The following NELL2 variants were observed in gnomAD, a reference collection of about 807,000 sequenced individuals.
The protein encoded by NELL2 is neural EGFL like 2.
A neutral mutation model predicts 109.6 loss-of-function variants in NELL2; 41 were observed. The observed-to-expected ratio is 0.37, with a 90% CI of 0.29 to 0.49. The LOEUF is 0.49. NELL2 is among the 20% of genes least tolerant of loss of function. The pLI is 0.98. For missense variants in NELL2, 900 were observed against 1,008.3 expected (o/e 0.89, Z 1.45); for synonymous variants, 355 against 344.7 (o/e 1.03, Z -0.33).
intron 3 of NELL2, among the ~76,000 whole-genome samples, chr12:44,813,334 C>A (rs763681277): frequency 1.2e-4 from 18 of 152,268 alleles, no homozygotes; most frequent in Non-Finnish European, 2.6e-4. Context: ...TTATTTTCCA[C>A]ATCATAGAAT....
intron 13 of NELL2, among the ~76,000 whole-genome samples, chr12:44,622,696 C>G (rs1168079921): frequency 6.6e-6 from 1 of 152,106 alleles, no homozygotes; most frequent in African/African-American, 2.4e-5. Context: ...TACTTTCTGA[C>G]CTTTAATCTT....
chr12:44,709,300 T>C (rs1938061058), intron 11 of NELL2, among the ~76,000 whole-genome samples: 1 of 152,172 alleles, frequency 6.6e-6, no homozygotes, highest in Admixed American at 6.5e-5. Flanking sequence ...TTTGAAGGCC[T>C]GAGTCACCAC....
intron 9 of NELL2, among the ~76,000 whole-genome samples, chr12:44,736,363 C>G (rs1939654062): frequency 6.6e-6 from 1 of 151,980 alleles, no homozygotes; most frequent in Admixed American, 6.6e-5. Context: ...GTTGCTAAAA[C>G]AAAAATATTC....
intron 13 of NELL2, among the ~76,000 whole-genome samples, chr12:44,637,662 C>G (rs903250017): frequency 8.6e-5 from 13 of 150,382 alleles, no homozygotes; most frequent in Admixed American, 4.0e-4. Context: ...CGGGAAAAAG[C>G]CTCACGTCTC....
At chr12:44,819,310 G>A (rs1192104957) in intron 2 of NELL2, among the ~76,000 whole-genome samples, 3 of 152,298 alleles carry the variant, frequency 2.0e-5, no homozygotes, top group South Asian at 4.1e-4. Flanking sequence ...GAAACAGACC[G>A]CTTGAGAAGT....
At chr12:44,881,530 T>C (rs972182746) in intron 1 of NELL2, among the ~76,000 whole-genome samples, 2 of 151,788 alleles carry the variant, frequency 1.3e-5, no homozygotes, top group Admixed American at 1.3e-4. Flanking sequence ...AGTAGCTGAA[T>C]GAAAATGATA....
chr12:44,836,471 C>T (rs576742690), intron 2 of NELL2, among the ~76,000 whole-genome samples: 2 of 152,170 alleles, frequency 1.3e-5, no homozygotes, highest in Non-Finnish European at 2.9e-5. Flanking sequence ...AAAGCACCTG[C>T]AAAAGAAATA....
intron 15 of NELL2, among the ~76,000 whole-genome samples, chr12:44,600,586 A>C (rs1312009869): frequency 4.6e-5 from 7 of 152,244 alleles, no homozygotes; most frequent in Non-Finnish European, 8.8e-5. Context: ...AAATTGCAGA[A>C]CATTCTCAGC....
At chr12:44,738,784 T>C (rs2087158678) in intron 9 of NELL2, among the ~76,000 whole-genome samples, 1 of 152,208 alleles carries the variant, frequency 6.6e-6, no homozygotes, top group Admixed American at 6.5e-5. Context: ...TATTGTATAC[T>C]TGAAACGTGC....
chr12:44,802,844 A>T (rs533975964), intron 3 of NELL2, among the ~76,000 whole-genome samples: 15 of 152,174 alleles, frequency 9.9e-5, no homozygotes, highest in African/African-American at 3.6e-4. Flanking sequence ...AAGAAGCAAT[A>T]ATATCTAATA....
At chr12:44,716,656 GATA>G (rs559039401) in intron 9 of NELL2, among the ~76,000 whole-genome samples, 3 of 151,914 alleles carry the variant, frequency 2.0e-5, no homozygotes, top group African/African-American at 7.3e-5. Context: ...TATTTTATAA[GATA>G]ATGAGAATAA....
intron 9 of NELL2, among the ~76,000 whole-genome samples, chr12:44,751,823 A>G (rs1940665658): frequency 6.6e-6 from 1 of 152,172 alleles, no homozygotes; most frequent in Admixed American, 6.5e-5. Context: ...AGCTATTCTA[A>G]GCTTTAGTTA....
At chr12:44,899,589 G>A (rs1453632911) in intron 1 of NELL2, among the ~76,000 whole-genome samples, 1 of 152,140 alleles carries the variant, frequency 6.6e-6, no homozygotes, top group Non-Finnish European at 1.5e-5. Context: ...CACCAGGCCT[G>A]CCTTACAAGA....
chr12:44,610,207 C>T (rs1490235870), intron 14 of NELL2, among the ~76,000 whole-genome samples: 2 of 150,268 alleles, frequency 1.3e-5, no homozygotes, highest in East Asian at 3.9e-4. Flanking sequence ...GTTAATTAAT[C>T]TTCCACAGTA....
chr12:44,796,164 G>A (rs1942613066), intron 3 of NELL2, among the ~76,000 whole-genome samples: 1 of 152,034 alleles, frequency 6.6e-6, no homozygotes, highest in Non-Finnish European at 1.5e-5. Context: ...TGCTTACTTT[G>A]CACAATTCTT....
chr12:44,889,901 C>A (rs923567656), intron 1 of NELL2, among the ~76,000 whole-genome samples: 1 of 152,176 alleles, frequency 6.6e-6, no homozygotes, highest in African/African-American at 2.4e-5. Flanking sequence ...ATAATTATTG[C>A]TAGTGCTCAG....
At chr12:44,805,678 T>C (rs1942976355) in intron 3 of NELL2, among the ~76,000 whole-genome samples, 1 of 151,930 alleles carries the variant, frequency 6.6e-6, no homozygotes, top group Non-Finnish European at 1.5e-5. Flanking sequence ...GATGGAAATT[T>C]AAACACAGAT....
intron 3 of NELL2, among the ~76,000 whole-genome samples, chr12:44,812,400 G>A (rs1325768017): frequency 6.6e-6 from 1 of 152,100 alleles, no homozygotes; most frequent in Non-Finnish European, 1.5e-5. Flanking sequence ...TTACTACCTT[G>A]ACCACAAAAG....
chr12:44,545,655 C>T (rs983737572), intron 15 of NELL2, among the ~76,000 whole-genome samples: 15 of 152,064 alleles, frequency 9.9e-5, no homozygotes, highest in African/African-American at 3.4e-4. Context: ...TGAACAGAAA[C>T]TTCCAGCTTT....
Sources: gnomAD v4.1 joint callset for allele counts (sites outside exome capture counted in the v4.1 genomes callset) on GRCh38, gnomAD v4.1.1 for gene constraint, MANE v1.5 for transcripts, NCBI Gene and HGNC (gene_info 2026-07-23, HGNC 2026-07-21) for gene names.